Variants in RORA observed in about 807,000 individuals in gnomAD.
The protein encoded by RORA is nuclear receptor ROR-alpha.
RORA carries 7 observed loss-of-function variants against 69.5 expected under a neutral mutation model. That is an observed-to-expected ratio of 0.10 (90% CI 0.06 to 0.19). The LOEUF is 0.19. Among genes scored for constraint, RORA ranks in the 10% least tolerant of loss-of-function variants. RORA has a pLI of 1.00. For synonymous variants in RORA, 261 were observed against 240.8 expected (o/e 1.08, Z -0.78); for missense variants, 457 against 663.0 (o/e 0.69, Z 3.41).
intron 2 of RORA, among the ~76,000 whole-genome samples, chr15:60,618,576 T>A (rs1000089859): frequency 3.3e-5 from 5 of 152,004 alleles, no homozygotes; most frequent in Non-Finnish European, 5.9e-5. Flanking sequence ...TGAACACAAC[T>A]TAAAAAAAAA....
chr15:60,531,974 A>G lies in RORA; in HGVS notation c.197-123T>C. 1.7e-6 allele frequency: 1 copy of G among 580,984 alleles called. No individual in the cohort carries two copies. The highest frequency in any genetic ancestry group is 2.6e-5 in the South Asian group (1 of 38,536). The allele number at this position is 580,984 out of a possible 1,614,324, so 36.0% of individuals were successfully genotyped here. A position where few individuals can be genotyped will look rare whatever the true frequency, so the allele number is the denominator to read the frequency against. ...TGCTAAACATTATACTGCATTAACT[A>G]TTCATTGCTGAACTGTGAGGGTCCC... On this transcript the variant is annotated intron_variant, in intron 2 of 10. Coordinates refer to ENST00000335670, the MANE Select transcript of RORA (RefSeq NM_134261.3). This position sits in a 1 kb window ranked among gnomAD's most constrained non-coding sequence, Gnocchi z 4.8.
At chr15:60,560,211 G>A (rs1054491870) in intron 2 of RORA, among the ~76,000 whole-genome samples, 3 of 152,078 alleles carry the variant, frequency 2.0e-5, no homozygotes, top group Admixed American at 2.0e-4. Flanking sequence ...GCCACAAAAC[G>A]CAGTCCATTT....
At chr15:60,814,785 C>A (rs7165688) in intron 1 of RORA, among the ~76,000 whole-genome samples, 1 of 152,102 alleles carries the variant, frequency 6.6e-6, no homozygotes, top group Admixed American at 6.6e-5. Context: ...GCATCATTAC[C>A]TATCAGCTTC....
intron 1 of RORA, among the ~76,000 whole-genome samples, chr15:60,767,822 T>G (rs767461719): frequency 6.6e-6 from 1 of 152,206 alleles, no homozygotes; most frequent in Non-Finnish European, 1.5e-5. Flanking sequence ...TGGGTCAGTT[T>G]GTCTAACACT....
chr15:60,552,558 GAATA>G (rs1189984798), intron 2 of RORA, among the ~76,000 whole-genome samples: 1 of 152,144 alleles, frequency 6.6e-6, no homozygotes, highest in African/African-American at 2.4e-5. Context: ...TGCTCCAAAG[GAATA>G]AATAAATTAG....
intron 2 of RORA, among the ~76,000 whole-genome samples, chr15:60,573,545 C>T (rs915712146): frequency 5.9e-5 from 9 of 152,174 alleles, no homozygotes; most frequent in East Asian, 3.8e-4. Flanking sequence ...CGTGGCCTCC[C>T]GGCACCTTCA....
intron 1 of RORA, among the ~76,000 whole-genome samples, chr15:61,026,941 T>A (rs8033470): frequency 6.6e-6 from 1 of 151,950 alleles, no homozygotes; most frequent in East Asian, 1.9e-4. Context: ...AGGATTTTCA[T>A]TGGCTTCCAG....
rs1491216721 is a variant in RORA at position 61,137,096 on chromosome 15, A to AG, written c.166+91956_166+91957insC. 1.0e-3 allele frequency among the ~76,000 whole-genome samples: 152 copies of AG among 150,626 alleles called. 1 individual carries two copies. The highest frequency in any genetic ancestry group is 3.4e-3 in the African/African-American group (139 of 40,766). On this transcript the variant is annotated intron_variant, in intron 1 of 10. Transcript: ENST00000335670. Reference sequence around the variant, plus strand: ...GAAAGAAAGAAAGAAAGAAAGAAAGAAAGAAAAAAGCAAGGGTGTCCAGGG... The same window carrying AG: ...GAAAGAAAGAAAGAAAGAAAGAAAGAGAAGAAAAAAGCAAGGGTGTCCAGGG...
intron 1 of RORA, among the ~76,000 whole-genome samples, chr15:60,702,674 T>C (rs1240346295): frequency 2.0e-5 from 3 of 152,242 alleles, no homozygotes; most frequent in Admixed American, 1.3e-4. Context: ...TGGAAAATTT[T>C]ACAAGGATTA....
At chr15:61,031,215 T>C (rs55764737) in intron 1 of RORA, among the ~76,000 whole-genome samples, 3,462 of 152,310 alleles carry the variant, frequency 0.023, 57 homozygotes, top group Middle Eastern at 0.037. Flanking sequence ...AAATTCCTTT[T>C]GAATACCAAA....
intron 1 of RORA, among the ~76,000 whole-genome samples, chr15:60,750,649 G>A (rs943855812): frequency 1.3e-5 from 2 of 152,150 alleles, no homozygotes; most frequent in African/African-American, 4.8e-5. Context: ...GATTAGATTA[G>A]AGGAAAAAGA....
chr15:60,916,817 G>A (rs1891886221), intron 1 of RORA, among the ~76,000 whole-genome samples: 1 of 152,146 alleles, frequency 6.6e-6, no homozygotes, highest in African/African-American at 2.4e-5. Flanking sequence ...TAACTGCACG[G>A]TGAGCCCTGA....
intron 1 of RORA, among the ~76,000 whole-genome samples, chr15:60,730,990 T>C (rs1280618449): frequency 6.6e-6 from 1 of 152,176 alleles, no homozygotes; most frequent in East Asian, 1.9e-4. Context: ...ACGGAATATT[T>C]CATCACTCAG....
intron 1 of RORA, among the ~76,000 whole-genome samples, chr15:61,136,991 A>G (rs933026065): frequency 6.6e-6 from 1 of 150,468 alleles, no homozygotes; most frequent in Non-Finnish European, 1.5e-5. Context: ...ACCAAAGCTG[A>G]TAAGAGTCCC....
In RORA at chr15:60,509,756, T is replaced by G. The variant is rs1040729477; in HGVS notation, c.820+1470A>C. ...TGCTTAAGGCTCAGCCAACCAAGAT[T>G]TCATGACAAAAATGGAAGGTTTTTG... On this transcript the variant is annotated intron_variant, in intron 5 of 10. Transcript: ENST00000335670. Among the ~76,000 whole-genome samples, 6 of 150,438 alleles carry G rather than the reference T, an allele frequency of 4.0e-5. No individual in the cohort carries two copies. The Admixed American group carries it at 4.0e-4, about 10-fold the overall frequency.
intron 1 of RORA, among the ~76,000 whole-genome samples, chr15:60,768,710 CT>C (rs749030897): frequency 6.6e-6 from 1 of 152,192 alleles, no homozygotes; most frequent in African/African-American, 2.4e-5. Flanking sequence ...AGCAGGTGCA[CT>C]GACAGACAGA....
chr15:60,717,029 C>T (rs927628944), intron 1 of RORA, among the ~76,000 whole-genome samples: 8 of 152,196 alleles, frequency 5.3e-5, no homozygotes, highest in Admixed American at 4.6e-4. Flanking sequence ...GTTGGCCAGA[C>T]GTTCTGGAGG....
intron 1 of RORA, chr15:60,681,753 A>G (rs1182925396): frequency 6.6e-6 from 1 of 152,112 alleles, no homozygotes; most frequent in Non-Finnish European, 1.5e-5. Flanking sequence ...TTTTCTCACC[A>G]GGAGGAGAGG....
chr15:60,814,378 G>A (rs2072782075), intron 1 of RORA, among the ~76,000 whole-genome samples: 2 of 152,212 alleles, frequency 1.3e-5, no homozygotes, highest in East Asian at 1.9e-4. Context: ...GGGGATCTAT[G>A]GTATCTTTTT....
Sources: gnomAD v4.1 joint callset for allele counts (sites outside exome capture counted in the v4.1 genomes callset) on GRCh38, gnomAD v4.1.1 for gene constraint, Gnocchi (gnomAD v3.1) non-coding constraint, MANE v1.5 for transcripts, NCBI Gene and HGNC (gene_info 2026-07-23, HGNC 2026-07-21) for gene names.